Variants in KCTD8 observed in about 807,000 individuals in gnomAD.
KCTD8 encodes BTB/POZ domain-containing protein KCTD8.
Under a neutral mutation model 31.5 loss-of-function variants are expected in KCTD8, and 27 were observed. That is an observed-to-expected ratio of 0.86 (90% CI 0.63 to 1.18). The LOEUF is 1.18. Ranked by LOEUF, KCTD8 falls within the 50% of genes most tolerant of loss-of-function variation. The pLI is 0.00. For missense variants in KCTD8, 658 were observed against 647.7 expected (o/e 1.02, Z -0.17); for synonymous variants, 290 against 280.0 (o/e 1.04, Z -0.36).
intron 1 of KCTD8, among the ~76,000 whole-genome samples, chr4:44,214,364 G>A (rs968292870): frequency 1.8e-4 from 27 of 152,056 alleles, no homozygotes; most frequent in Admixed American, 1.2e-3. Flanking sequence ...TCTCGTTTCC[G>A]TCTACTTTAG....
At chr4:44,191,742 C>T (rs557125260) in intron 1 of KCTD8, among the ~76,000 whole-genome samples, 1 of 152,258 alleles carries the variant, frequency 6.6e-6, no homozygotes, top group Admixed American at 6.5e-5. Context: ...ACCCTGTTTT[C>T]TGTTGTTTAA....
At chr4:44,185,871 C>CCA (rs1356242442) in intron 1 of KCTD8, among the ~76,000 whole-genome samples, 2 of 151,622 alleles carry the variant, frequency 1.3e-5, no homozygotes, top group Non-Finnish European at 2.9e-5. Flanking sequence ...TTCTGCCCCA[C>CCA]CACACACACA....
At chr4:44,249,993 A>C (rs1715778806) in intron 1 of KCTD8, among the ~76,000 whole-genome samples, 1 of 151,764 alleles carries the variant, frequency 6.6e-6, no homozygotes, top group South Asian at 2.1e-4. Flanking sequence ...TTGGTTTTAA[A>C]ATTACACAAA....
chr4:44,314,306 T>C (rs537462499), intron 1 of KCTD8, among the ~76,000 whole-genome samples: 1 of 152,230 alleles, frequency 6.6e-6, no homozygotes, highest in South Asian at 2.1e-4. Context: ...CTGTGGGACA[T>C]AAAAGTAGAT....
At chr4:44,393,842 C>G (rs1467172196) in intron 1 of KCTD8, among the ~76,000 whole-genome samples, 1 of 151,354 alleles carries the variant, frequency 6.6e-6, no homozygotes, top group Non-Finnish European at 1.5e-5. Flanking sequence ...GCTTAGAAAT[C>G]AAATAAAGAG....
chr4:44,310,761 C>T (rs1022859521), intron 1 of KCTD8, among the ~76,000 whole-genome samples: 4 of 152,058 alleles, frequency 2.6e-5, no homozygotes, highest in African/African-American at 9.7e-5. Context: ...TCCTATTAAC[C>T]TATTTCAGTG....
rs1451554847 is a variant in KCTD8 at position 44,174,791 on chromosome 4, T to A, written c.1421A>T (p.Ter474LeuextTer1). 6.3e-7 allele frequency: 1 copy of A among 1,593,750 alleles called. No homozygotes were observed. Among genetic ancestry groups the A allele is most frequent in the Non-Finnish European group, 8.6e-7 (1 of 1,169,568 alleles). The change falls in exon 2 of 2, where the codon TAG becomes TTG. Residue 474 changes from the stop codon to leucine (L), a stop_lost. Coordinates refer to ENST00000360029, the MANE Select transcript of KCTD8 (RefSeq NM_198353.3). ...QSELLQKYGL[*>L] ...AATACTGCAGGAATGTGACAATTAC[T>A]ATAACCCATACTTCTGCAACAGTTC...
intron 1 of KCTD8, among the ~76,000 whole-genome samples, chr4:44,399,737 C>A (rs929103272): frequency 2.6e-5 from 4 of 152,130 alleles, no homozygotes; most frequent in Admixed American, 6.5e-5. Flanking sequence ...ACAATCAAGT[C>A]ATACTAAGGG....
intron 1 of KCTD8, among the ~76,000 whole-genome samples, chr4:44,220,830 AT>A (rs1367661305): frequency 6.6e-6 from 1 of 152,204 alleles, no homozygotes; most frequent in Non-Finnish European, 1.5e-5. Flanking sequence ...TCTTTGAGAA[AT>A]TGTTTTCAGT....
At position 44,447,823 on chromosome 4, in the gene KCTD8, C is replaced by A. The variant is rs780193663; in HGVS notation, c.701G>T (p.Arg234Leu). The change falls in exon 1 of 2, where the codon CGC (arginine) becomes CTC (leucine). Residue 234 changes from arginine (R) to leucine (L), a missense_variant. By Grantham distance (102) the Arg-to-Leu change is moderately radical. Coordinates refer to ENST00000360029, the MANE Select transcript of KCTD8 (RefSeq NM_198353.3). ...QADAKFRRVA[R>L]IMVCGRIALA... ...CGCGATGCGCCCGCACACCATGATG[C>A]GCGCCACACGCCGGAATTTGGCGTC... The A allele has an allele frequency of 2.5e-6, 4 of 1,598,294 alleles. No homozygotes were observed. Among genetic ancestry groups the A allele is most frequent in the East Asian group, 4.5e-5 (2 of 44,168 alleles).
At chr4:44,318,700 C>G (rs1718209321) in intron 1 of KCTD8, among the ~76,000 whole-genome samples, 1 of 152,170 alleles carries the variant, frequency 6.6e-6, no homozygotes, top group Admixed American at 6.5e-5. Context: ...AACGTGAACA[C>G]ATGCAACATT....
At chr4:44,202,853 T>C (rs1714190885) in intron 1 of KCTD8, among the ~76,000 whole-genome samples, 1 of 152,144 alleles carries the variant, frequency 6.6e-6, no homozygotes, top group African/African-American at 2.4e-5. Context: ...TTAAAAGTCA[T>C]GTTAATAATT....
chr4:44,396,460 T>G (rs1720506832), intron 1 of KCTD8, among the ~76,000 whole-genome samples: 1 of 152,026 alleles, frequency 6.6e-6, no homozygotes, highest in South Asian at 2.1e-4. Context: ...AGTTGTTTTT[T>G]TTTTTCTTTT....
chr4:44,249,396 T>C (rs1287116093), intron 1 of KCTD8, among the ~76,000 whole-genome samples: 2 of 151,820 alleles, frequency 1.3e-5, no homozygotes, highest in Admixed American at 1.3e-4. Context: ...TTATAAAATA[T>C]TTTAATTTTT....
At chr4:44,440,356 A>T (rs1721785574) in intron 1 of KCTD8, among the ~76,000 whole-genome samples, 1 of 152,010 alleles carries the variant, frequency 6.6e-6, no homozygotes, top group Non-Finnish European at 1.5e-5. Flanking sequence ...CATTTTACTT[A>T]TTTTCATTTC....
At chr4:44,211,227 T>A (rs1019041447) in intron 1 of KCTD8, among the ~76,000 whole-genome samples, 5 of 152,220 alleles carry the variant, frequency 3.3e-5, no homozygotes, top group African/African-American at 1.2e-4. Flanking sequence ...CCAACAAGTG[T>A]AAGAACTAAA....
At chr4:44,323,811 T>C (rs1404867522) in intron 1 of KCTD8, among the ~76,000 whole-genome samples, 1 of 151,904 alleles carries the variant, frequency 6.6e-6, no homozygotes, top group Non-Finnish European at 1.5e-5. Flanking sequence ...AGAATGTTTC[T>C]TGATTGATAT....
intron 1 of KCTD8, among the ~76,000 whole-genome samples, chr4:44,375,231 T>C (rs1426670794): frequency 6.6e-6 from 1 of 152,046 alleles, no homozygotes; most frequent in Non-Finnish European, 1.5e-5. Context: ...AAAAGGTGTA[T>C]GCTGGGAGTG....
rs114209309 is a variant in KCTD8 at position 44,282,206 on chromosome 4, T to C, written c.962-106956A>G. Among the ~76,000 whole-genome samples, 453 of 152,166 alleles carry C rather than the reference T, an allele frequency of 3.0e-3. 1 individual carries two copies. Among genetic ancestry groups the C allele is most frequent in the African/African-American group, 0.01 (424 of 41,540 alleles). ...AAGACTATTGGGGTCATTTTCCCAG[T>C]AGCACATCCTCACTTTGTGTCTCTG... On this transcript the variant is annotated intron_variant, in intron 1 of 1. Transcript: ENST00000360029.
Sources: gnomAD v4.1 joint callset for allele counts (sites outside exome capture counted in the v4.1 genomes callset) on GRCh38, gnomAD v4.1.1 for gene constraint, MANE v1.5 for transcripts, NCBI Gene and HGNC (gene_info 2026-07-23, HGNC 2026-07-21) for gene names.